The following ABHD17C variants were observed in gnomAD, a reference collection of about 807,000 sequenced individuals.
ABHD17C encodes the protein abhydrolase domain containing 17C, depalmitoylase.
In ABHD17C, 11 loss-of-function variants were observed where a neutral mutation model predicts 27.9. That is an observed-to-expected ratio of 0.39 (90% CI 0.25 to 0.65). The LOEUF is 0.65. ABHD17C is among the 30% of genes least tolerant of loss of function. ABHD17C has a pLI of 0.45. For synonymous variants in ABHD17C, 233 were observed against 209.1 expected (o/e 1.11, Z -0.98); for missense variants, 280 against 470.2 (o/e 0.60, Z 3.74).
chr15:80,728,653 G>C (rs1000553915), intron 1 of ABHD17C, among the ~76,000 whole-genome samples: 1 of 152,300 alleles, frequency 6.6e-6, no homozygotes, highest in South Asian at 2.1e-4. Flanking sequence ...CATCTAAGTC[G>C]ATGAAACCAG....
intron 1 of ABHD17C, among the ~76,000 whole-genome samples, chr15:80,722,423 G>T (rs1181165641): frequency 6.7e-6 from 1 of 150,368 alleles, no homozygotes; most frequent in Non-Finnish European, 1.5e-5. Context: ...CATACAAAAA[G>T]CTGTAGATAT....
rs933313991 is a variant in ABHD17C at position 80,726,329 on chromosome 15, G to A, written c.591-23184G>A. On this transcript the variant is annotated intron_variant, in intron 1 of 2. Coordinates refer to ENST00000258884, the MANE Select transcript of ABHD17C (RefSeq NM_021214.2). ...CAGTGCTGCAGAGATTTTGTTTACGGCCAGTTTTGGGGCCAGTTTATGGCC... is the reference window on the plus strand; with the variant it reads ...CAGTGCTGCAGAGATTTTGTTTACGACCAGTTTTGGGGCCAGTTTATGGCC... Among the ~76,000 whole-genome samples, 4 of 152,196 alleles carry A rather than the reference G, an allele frequency of 2.6e-5. No individual in the cohort carries two copies. In the East Asian group the frequency reaches 7.7e-4, roughly 29 times the overall value.
chr15:80,727,012 T>A (rs1201577731), intron 1 of ABHD17C, among the ~76,000 whole-genome samples: 1 of 152,196 alleles, frequency 6.6e-6, no homozygotes, highest in East Asian at 1.9e-4. Flanking sequence ...ATAAGTTCTG[T>A]CAGAGGTCAT....
At chr15:80,752,177 A>AAAT (rs1321964794) in intron 2 of ABHD17C, among the ~76,000 whole-genome samples, 1 of 152,242 alleles carries the variant, frequency 6.6e-6, no homozygotes, top group Non-Finnish European at 1.5e-5. Context: ...ACTGTTGAGT[A>AAAT]AATATCTTTT....
chr15:80,705,885 A>T (rs1894640994), intron 1 of ABHD17C, among the ~76,000 whole-genome samples: 1 of 152,138 alleles, frequency 6.6e-6, no homozygotes, highest in African/African-American at 2.4e-5. Flanking sequence ...GGAGATCTTT[A>T]AAGGAGAGGA....
At chr15:80,742,020 A>G (rs893938556) in intron 1 of ABHD17C, among the ~76,000 whole-genome samples, 1 of 152,188 alleles carries the variant, frequency 6.6e-6, no homozygotes, top group African/African-American at 2.4e-5. Flanking sequence ...TGCTGCTCAG[A>G]ATTAGGAATT....
chr15:80,742,967 G>A (rs1895230290), intron 1 of ABHD17C, among the ~76,000 whole-genome samples: 1 of 142,056 alleles, frequency 7.0e-6, no homozygotes, highest in African/African-American at 2.6e-5. Flanking sequence ...GGGGCAGAAG[G>A]CAGGTTTCAG....
At chr15:80,741,527 TAGA>T (rs950346213) in intron 1 of ABHD17C, among the ~76,000 whole-genome samples, 105 of 152,168 alleles carry the variant, frequency 6.9e-4, no homozygotes, top group African/African-American at 2.5e-3. Context: ...ATTTCACAGG[TAGA>T]AGATTTGTTC....
chr15:80,717,552 C>A (rs1033716974), intron 1 of ABHD17C, among the ~76,000 whole-genome samples: 9 of 152,068 alleles, frequency 5.9e-5, no homozygotes, highest in African/African-American at 2.2e-4. Context: ...CACCACCATG[C>A]CTGGCTAATT....
At chr15:80,749,457 C>T in intron 1 of ABHD17C, 56 bp from the exon 2 acceptor site, 1 of 1,567,138 alleles carries the variant, frequency 6.4e-7, no homozygotes, top group Non-Finnish European at 8.7e-7. Flanking sequence ...TTTCTCTGTC[C>T]CTTTCTCTCT....
chr15:80,714,272 G>A (rs1232830580), intron 1 of ABHD17C, among the ~76,000 whole-genome samples: 2 of 152,162 alleles, frequency 1.3e-5, no homozygotes. Context: ...CATTTATAAA[G>A]TAGGCAGTTT....
chr15:80,710,316 G>A (rs902526635), intron 1 of ABHD17C, among the ~76,000 whole-genome samples: 1 of 152,166 alleles, frequency 6.6e-6, no homozygotes, highest in Non-Finnish European at 1.5e-5. Context: ...ACTGGGGAGG[G>A]GTGAGGGCAT....
At chr15:80,717,394 C>G (rs1894819738) in intron 1 of ABHD17C, among the ~76,000 whole-genome samples, 1 of 150,070 alleles carries the variant, frequency 6.7e-6, no homozygotes, top group African/African-American at 2.4e-5. Flanking sequence ...AAAATTACAA[C>G]AAATTTTTTT....
chr15:80,698,061 CTTTT>C (rs34987348), intron 1 of ABHD17C, among the ~76,000 whole-genome samples: 1 of 97,030 alleles, frequency 1.0e-5, no homozygotes, highest in Admixed American at 1.1e-4. Context: ...TTTTATTTCA[CTTTT>C]TTTTTTTTTT....
chr15:80,714,413 C>G (rs754597930), intron 1 of ABHD17C, among the ~76,000 whole-genome samples: 1 of 152,228 alleles, frequency 6.6e-6, no homozygotes, highest in Non-Finnish European at 1.5e-5. Context: ...CTCCATTTCA[C>G]AAATGCAGAA....
intron 1 of ABHD17C, among the ~76,000 whole-genome samples, chr15:80,699,048 T>C (rs1894536385): frequency 6.6e-6 from 1 of 152,244 alleles, no homozygotes; most frequent in African/African-American, 2.4e-5. Context: ...GTATCTGCCC[T>C]TCTCCTGTGC....
intron 1 of ABHD17C, among the ~76,000 whole-genome samples, chr15:80,740,481 C>T (rs4630510): frequency 0.35 from 52,550 of 151,804 alleles, 11,016 homozygotes; most frequent in Non-Finnish European, 0.48. Flanking sequence ...AAGCCAACTC[C>T]CGGGACTGGG....
intron 1 of ABHD17C, among the ~76,000 whole-genome samples, chr15:80,717,071 G>T (rs1156389989): frequency 6.6e-6 from 1 of 151,974 alleles, no homozygotes; most frequent in African/African-American, 2.4e-5. Flanking sequence ...CTTGTTATAG[G>T]GAAGATTCCA....
At chr15:80,726,726 A>G (rs940068978) in intron 1 of ABHD17C, among the ~76,000 whole-genome samples, 5 of 151,476 alleles carry the variant, frequency 3.3e-5, no homozygotes, top group African/African-American at 4.9e-5. Context: ...GTTAGTCAGG[A>G]TGGTTAGTCA....
Sources: gnomAD v4.1 joint callset for allele counts (sites outside exome capture counted in the v4.1 genomes callset) on GRCh38, gnomAD v4.1.1 for gene constraint, MANE v1.5 for transcripts, NCBI Gene and HGNC (gene_info 2026-07-23, HGNC 2026-07-21) for gene names.